TRPC1: variants seen among roughly 807,000 people sequenced by gnomAD.
TRPC1 encodes the protein transient receptor potential cation channel subfamily C member 1.
Under a neutral mutation model 88.2 loss-of-function variants are expected in TRPC1, and 42 were observed. That is an observed-to-expected ratio of 0.48 (90% confidence interval 0.37 to 0.62). The LOEUF (loss-of-function observed/expected upper bound fraction) is 0.62, where lower values mean the gene tolerates loss of function less well. TRPC1 is among the 20% of genes least tolerant of loss of function. TRPC1 has a pLI of 0.00. For missense variants in TRPC1, 699 were observed against 957.3 expected (o/e 0.73, Z 3.56); for synonymous variants, 288 against 331.8 (o/e 0.87, Z 1.43).
At chr3:142,766,733 T>G (rs1030512529) in intron 4 of TRPC1, among the ~76,000 whole-genome samples, 1 of 152,114 alleles carries the variant, frequency 6.6e-6, no homozygotes, top group African/African-American at 2.4e-5. Flanking sequence ...GACTCCAAGT[T>G]CTTCAGTTTC....
intron 1 of TRPC1, among the ~76,000 whole-genome samples, chr3:142,726,446 A>G (rs1933671217): frequency 6.6e-6 from 1 of 152,078 alleles, no homozygotes; most frequent in South Asian, 2.1e-4. Context: ...TCAGTTTTTT[A>G]TTTTATAACA....
At chr3:142,771,671 T>A (rs1259684861) in intron 4 of TRPC1, among the ~76,000 whole-genome samples, 1 of 152,314 alleles carries the variant, frequency 6.6e-6, no homozygotes, top group Admixed American at 6.5e-5. Context: ...TGGCCCCACC[T>A]ACCTACTATA....
At chr3:142,766,367 A>G (rs1935386883) in intron 4 of TRPC1, among the ~76,000 whole-genome samples, 1 of 150,970 alleles carries the variant, frequency 6.6e-6, no homozygotes, top group African/African-American at 2.4e-5. Context: ...ATGTGAAAAG[A>G]GACTGGCCTA....
intron 4 of TRPC1, among the ~76,000 whole-genome samples, chr3:142,761,760 G>C (rs750714213): frequency 2.0e-5 from 3 of 152,074 alleles, no homozygotes; most frequent in Middle Eastern, 3.4e-3. Flanking sequence ...ACTTATGATT[G>C]GTTTGTTGAG....
At chr3:142,805,125 T>TACACAC (rs1327088210) in intron 12 of TRPC1, among the ~76,000 whole-genome samples, 2 of 123,744 alleles carry the variant, frequency 1.6e-5, no homozygotes, top group African/African-American at 7.1e-5. Flanking sequence ...AACAAATATA[T>TACACAC]ATATACACAC....
chr3:142,804,913 C>G (rs1312388121), intron 12 of TRPC1, among the ~76,000 whole-genome samples: 1 of 152,030 alleles, frequency 6.6e-6, no homozygotes, highest in Non-Finnish European at 1.5e-5. Context: ...AGTTTGAGAC[C>G]AGCCTGGTGA....
At chr3:142,780,297 C>A (rs996063409) in intron 5 of TRPC1, among the ~76,000 whole-genome samples, 1 of 152,110 alleles carries the variant, frequency 6.6e-6, no homozygotes, top group African/African-American at 2.4e-5. Context: ...ATTTTAATAT[C>A]TTTCTTTCTA....
At chr3:142,750,725 C>T (rs1331457434) in intron 4 of TRPC1, among the ~76,000 whole-genome samples, 1 of 152,132 alleles carries the variant, frequency 6.6e-6, no homozygotes, top group Non-Finnish European at 1.5e-5. Flanking sequence ...CCATGGAATA[C>T]TATGCAGCCA....
intron 1 of TRPC1, among the ~76,000 whole-genome samples, chr3:142,733,742 A>G (rs1421144806): frequency 1.3e-5 from 2 of 152,260 alleles, no homozygotes; most frequent in Non-Finnish European, 2.9e-5. Context: ...CAAATCACCT[A>G]GAAATTATAG....
intron 4 of TRPC1, among the ~76,000 whole-genome samples, chr3:142,774,244 A>G (rs114472476): frequency 4.7e-4 from 71 of 151,530 alleles, no homozygotes; most frequent in African/African-American, 1.7e-3. Context: ...CTTTTTACCA[A>G]CTCTCTGATG....
At chr3:142,753,974 A>C (rs997882547) in intron 4 of TRPC1, among the ~76,000 whole-genome samples, 1 of 151,380 alleles carries the variant, frequency 6.6e-6, no homozygotes, top group African/African-American at 2.4e-5. Flanking sequence ...GGTCCCAGCT[A>C]TGCAGGAGGC....
chr3:142,799,124 GT>G (rs1936535654), intron 9 of TRPC1, among the ~76,000 whole-genome samples: 1 of 152,124 alleles, frequency 6.6e-6, no homozygotes, highest in Non-Finnish European at 1.5e-5. Flanking sequence ...ATTTGGTGCT[GT>G]TTTAAAGTTA....
chr3:142,770,033 C>A (rs1935523098), intron 4 of TRPC1, among the ~76,000 whole-genome samples: 3 of 143,310 alleles, frequency 2.1e-5, no homozygotes, highest in African/African-American at 7.8e-5. Flanking sequence ...TCTGTTTTTT[C>A]TTCATGTATT....
intron 2 of TRPC1, among the ~76,000 whole-genome samples, chr3:142,738,111 C>T (rs1338695112): frequency 6.6e-6 from 1 of 152,184 alleles, no homozygotes; most frequent in Non-Finnish European, 1.5e-5. Flanking sequence ...ACATCACAGT[C>T]AACCTATATA....
chr3:142,791,247 T>A, intron 8 of TRPC1, 89 bp downstream of exon 8: 5 of 1,173,676 alleles, frequency 4.3e-6, no homozygotes, highest in Non-Finnish European at 5.9e-6. Flanking sequence ...AGAGTTACAT[T>A]GAGCCAGATC....
intron 7 of TRPC1, among the ~76,000 whole-genome samples, chr3:142,788,394 T>A (rs370364336): frequency 1.3e-5 from 2 of 152,194 alleles, no homozygotes; most frequent in East Asian, 3.9e-4. Flanking sequence ...ACATAGTATA[T>A]GAGAGGTGAA....
At chr3:142,773,332 GA>G (rs1236930167) in intron 4 of TRPC1, among the ~76,000 whole-genome samples, 1 of 151,062 alleles carries the variant, frequency 6.6e-6, no homozygotes. Flanking sequence ...CCTGCCCCAG[GA>G]AAAAAAATCT....
rs1005583661 is a variant in TRPC1, at chr3:142,800,917, A to G, written c.1582-1252A>G. Among the ~76,000 whole-genome samples, 17 of 149,264 alleles carry G rather than the reference A, an allele frequency of 1.1e-4. 1 individual carries two copies. Among genetic ancestry groups the G allele is most frequent in the African/African-American group, 4.1e-4 (16 of 39,404 alleles). On this transcript the variant is annotated intron_variant, in intron 9 of 12. Coordinates refer to ENST00000476941, the MANE Select transcript of TRPC1 (RefSeq NM_001251845.2). ...CTGGGAGATAGAGACTGTCTTAAAA[A>G]GAAAGAAAAAAAAAAAAAAGTCTCC...
chr3:142,754,089 CAAAAAAAAAAAAA>C (rs10609600), intron 4 of TRPC1, among the ~76,000 whole-genome samples: 9 of 86,146 alleles, frequency 1.0e-4, no homozygotes, highest in African/African-American at 3.3e-4. Flanking sequence ...GACTCCGTCT[CAAAAAAAAAAAAA>C]AAAAAAAAAA....
Sources: gnomAD v4.1 joint callset for allele counts (sites outside exome capture counted in the v4.1 genomes callset) on GRCh38, gnomAD v4.1.1 for gene constraint, MANE v1.5 for transcripts, NCBI Gene and HGNC (gene_info 2026-07-23, HGNC 2026-07-21) for gene names.